Variants in LTF observed in about 807,000 individuals in gnomAD.
LTF encodes epididymis luminal protein 110.
Under a neutral mutation model 87.2 loss-of-function variants are expected in LTF, and 91 were observed. That is an observed-to-expected ratio of 1.04 (90% CI 0.88 to 1.24). LTF has a LOEUF of 1.24. LTF is among the 50% of genes most tolerant of loss of function. The pLI is 0.00. For missense variants in LTF, 901 were observed against 904.3 expected (o/e 1.00, Z 0.05); for synonymous variants, 378 against 356.1 (o/e 1.06, Z -0.69).
In LTF at chr3:46,482,643, AGAAAGAAAGAAAGAAAGAAGGAAG is replaced by A. The variant is rs1362700283; in HGVS notation, c.-320+2319_-320+2342del. Among the ~76,000 whole-genome samples, 49 of 100,418 alleles carry A rather than the reference AGAAAGAAAGAAAGAAAGAAGGAAG, an allele frequency of 4.9e-4. 2 individuals are homozygous for A. Among genetic ancestry groups the A allele is most frequent in the South Asian group, 8.1e-4 (2 of 2,460 alleles). 65.9% of individuals were successfully genotyped at this position (100,418 alleles called of 152,430 possible). ...AAGAAAGAAAGAAAGAAAGAAAGAA[AGAAAGAAAGAAAGAAAGAAGGAAG>A]GAAGGAAGGAAGGAAGGAAGGAAGG... On this transcript the variant is annotated intron_variant, in intron 1 of 19. Transcript: ENST00000443496.
chr3:46,466,603 A>G (rs915049859), upstream of LTF, among the ~76,000 whole-genome samples: 1 of 152,222 alleles, frequency 6.6e-6, no homozygotes, highest in African/African-American at 2.4e-5. Flanking sequence ...ATCAGGGATC[A>G]TGCTTGCCTG....
chr3:46,469,550 T>C (rs1703257744), upstream of LTF: 1 of 152,330 alleles, frequency 6.6e-6, no homozygotes, highest in African/African-American at 2.4e-5. Context: ...CAGTGACTTC[T>C]TAGGGCCTTG....
chr3:46,449,125 A>G, intron 8 of LTF, 108 bp from the exon 9 acceptor site: 1 of 1,054,504 alleles, frequency 9.5e-7, no homozygotes, highest in Non-Finnish European at 1.3e-6. Flanking sequence ...CAGGAGCTAC[A>G]GTACATGTGT....
At chr3:46,448,024 T>G (rs1202446400) in intron 9 of LTF, among the ~76,000 whole-genome samples, 1 of 152,198 alleles carries the variant, frequency 6.6e-6, no homozygotes, top group Non-Finnish European at 1.5e-5. Flanking sequence ...GGGGCATGAC[T>G]AAACTGAGCC....
At chr3:46,436,525 A>G (rs1444931055) in intron 16 of LTF, among the ~76,000 whole-genome samples, 5 of 152,190 alleles carry the variant, frequency 3.3e-5, no homozygotes, top group Non-Finnish European at 7.3e-5. Flanking sequence ...TTCACAAGAC[A>G]TTGGTGGTCC....
intron 1 of LTF, among the ~76,000 whole-genome samples, chr3:46,478,457 T>G (rs1462892518): frequency 6.6e-6 from 1 of 152,192 alleles, no homozygotes; most frequent in Non-Finnish European, 1.5e-5. Flanking sequence ...CTCTCCACAG[T>G]GCTATCAGCA....
chr3:46,476,042 T>C (rs1213482982), intron 1 of LTF, among the ~76,000 whole-genome samples: 2 of 152,258 alleles, frequency 1.3e-5, no homozygotes, highest in Admixed American at 1.3e-4. Context: ...TTGGTAATAA[T>C]TGCTAGTATT....
intron 11 of LTF, among the ~76,000 whole-genome samples, chr3:46,445,741 G>C (rs1702637323): frequency 6.6e-6 from 1 of 152,228 alleles, no homozygotes; most frequent in Non-Finnish European, 1.5e-5. Flanking sequence ...CTCAGTGTAA[G>C]CTTCTACAGC....
intron 12 of LTF, 79 bp from the exon 13 acceptor site, chr3:46,443,661 G>A: frequency 4.8e-6 from 7 of 1,472,366 alleles, no homozygotes; most frequent in Non-Finnish European, 6.6e-6. Flanking sequence ...GCCGATGCAG[G>A]GTGGTTTCAG....
intron 6 of LTF, among the ~76,000 whole-genome samples, chr3:46,452,930 G>A (rs1702838564): frequency 6.6e-6 from 1 of 152,128 alleles, no homozygotes; most frequent in Non-Finnish European, 1.5e-5. Flanking sequence ...TGTGAAGAAG[G>A]GCATCTTTGA....
At chr3:46,436,792 T>C (rs1453757216) in intron 16 of LTF, among the ~76,000 whole-genome samples, 1 of 152,202 alleles carries the variant, frequency 6.6e-6, no homozygotes. Context: ...ACCTGAGTTG[T>C]TTGTCAATAC....
At chr3:46,446,387 T>C in intron 11 of LTF, 53 bp downstream of exon 11, 1 of 1,486,254 alleles carries the variant, frequency 6.7e-7, no homozygotes, top group South Asian at 1.2e-5. Context: ...CCACTTCCTC[T>C]TCCAGCAACA....
At chr3:46,457,035 A>G (rs1023923425) in intron 2 of LTF, among the ~76,000 whole-genome samples, 1 of 152,172 alleles carries the variant, frequency 6.6e-6, no homozygotes, top group Non-Finnish European at 1.5e-5. Context: ...AGTTCACACT[A>G]GGGTTCACAC....
chr3:46,456,031 A>C, intron 3 of LTF, 53 bp from the exon 4 acceptor site: 1 of 1,467,656 alleles, frequency 6.8e-7, no homozygotes, highest in Non-Finnish European at 9.1e-7. Flanking sequence ...AGAGGGACAA[A>C]AACAACCCAT....
chr3:46,449,074 A>G (rs1273566833), intron 8 of LTF, 57 bp from the exon 9 acceptor site: 3 of 1,525,610 alleles, frequency 2.0e-6, no homozygotes, highest in Admixed American at 3.9e-5. Flanking sequence ...AGGTTGTCCA[A>G]CCTCCCCAGA....
In LTF at chr3:46,460,450, A is replaced by T. The variant is rs535404055; in HGVS notation, c.44-631T>A. ...ACCACCATTCACTCTGCACAGAAAG[A>T]CTGGTGCTCCTGTTGAGCCTGCTTT... is the stretch of plus-strand genomic sequence containing the variant. On this transcript the variant is annotated intron_variant, in intron 1 of 16. Transcript: ENST00000231751. 4.0e-4 allele frequency: 167 copies of T among 413,784 alleles called. 2 individuals carry two copies. The highest frequency in any genetic ancestry group is 3.3e-3 in the African/African-American group (160 of 49,186). 25.6% of individuals were successfully genotyped at this position (413,784 alleles called of 1,614,324 possible). A position where few individuals can be genotyped will look rare whatever the true frequency, so the allele number is the denominator to read the frequency against.
At chr3:46,475,225 TCA>T (rs1703344981) in intron 1 of LTF, among the ~76,000 whole-genome samples, 1 of 152,048 alleles carries the variant, frequency 6.6e-6, no homozygotes, top group South Asian at 2.1e-4. Context: ...CTATTGCAAC[TCA>T]CAATATGAAA....
chr3:46,459,674 C>A lies in LTF; in HGVS notation c.189G>T (p.Gln63His). 6.5e-7 allele frequency: 1 copy of A among 1,532,764 alleles called. No individual in the cohort carries two copies. Among genetic ancestry groups the A allele is most frequent in the Non-Finnish European group, 8.8e-7 (1 of 1,142,508 alleles). The allele number at this position is 1,532,764 out of a possible 1,614,324, so 94.9% of individuals were successfully genotyped here. ...GACTCACCGCAATGGCCTGGATACA[C>A]TGGATGGGGGAGTCTCTCTTTATGC... ...VSCIKRDSPIQCIQAIAENRA... is the reference protein window; with the variant it reads ...VSCIKRDSPIHCIQAIAENRA... Residue 63 changes from glutamine (Q) to histidine (H), a missense_variant, in exon 2 of 17, where the codon CAG (glutamine) becomes CAT (histidine). Physicochemically the swap from Gln to His is conservative, Grantham distance 24 (BLOSUM62 0). Coordinates refer to ENST00000231751, the MANE Select transcript of LTF (RefSeq NM_002343.6).
intron 9 of LTF, among the ~76,000 whole-genome samples, chr3:46,448,304 C>A (rs1265213246): frequency 1.3e-5 from 2 of 151,814 alleles, no homozygotes; most frequent in African/African-American, 4.8e-5. Context: ...GAGTTCCAGG[C>A]TGCAGTGAGA....
Sources: gnomAD v4.1 joint callset for allele counts (sites outside exome capture counted in the v4.1 genomes callset) on GRCh38, gnomAD v4.1.1 for gene constraint, MANE v1.5 for transcripts, NCBI Gene and HGNC (gene_info 2026-07-23, HGNC 2026-07-21) for gene names.